Variants in HMGCS2 observed in about 807,000 individuals in gnomAD.
HMGCS2 encodes hydroxymethylglutaryl-CoA synthase, mitochondrial.
Under a neutral mutation model 57.4 loss-of-function variants are expected in HMGCS2, and 50 were observed. The ratio of observed to expected loss-of-function variants is 0.87; its 90% CI spans 0.69 to 1.10. HMGCS2 has a LOEUF of 1.10. Among genes scored for constraint, HMGCS2 ranks in the 50% least tolerant of loss-of-function variants. HMGCS2 has a pLI of 0.00. For missense variants in HMGCS2, 627 were observed against 636.5 expected, an observed-to-expected ratio of 0.99 and a Z score of 0.16; for synonymous variants, 254 against 245.1, an observed-to-expected ratio of 1.04 and a Z score of -0.34.
intron 1 of HMGCS2, among the ~76,000 whole-genome samples, chr1:119,768,068 T>C (rs1405810708): frequency 1.3e-5 from 2 of 152,186 alleles, no homozygotes; most frequent in Non-Finnish European, 2.9e-5. Flanking sequence ...CTAGTCCCAA[T>C]GTGTAGTGGA....
chr1:119,755,909 A>T (rs997155114), intron 5 of HMGCS2, among the ~76,000 whole-genome samples: 3 of 151,388 alleles, frequency 2.0e-5, no homozygotes, highest in African/African-American at 7.3e-5. Context: ...ATATATATAT[A>T]TATTTTTTTT....
chr1:119,751,045 A>G (rs1053767863), intron 8 of HMGCS2, 137 bp from the exon 9 acceptor site: 5 of 688,324 alleles, frequency 7.3e-6, no homozygotes, highest in African/African-American at 1.8e-5. Context: ...GGTCACCCTT[A>G]GTCCACCAAA....
At chr1:119,757,475 A>AG (rs1411881950) in intron 4 of HMGCS2, 37 bp from the exon 5 acceptor site, 12 of 1,613,942 alleles carry the variant, frequency 7.4e-6, no homozygotes, top group Non-Finnish European at 1.0e-5. Flanking sequence ...ATGGGGCATG[A>AG]GGGGCGAGCC....
At chr1:119,757,010 T>C (rs200181174) in intron 5 of HMGCS2, among the ~76,000 whole-genome samples, 42 of 134,070 alleles carry the variant, frequency 3.1e-4, no homozygotes, top group Non-Finnish European at 6.9e-4. Context: ...CTCTCTTTCT[T>C]TCTTTATCCT....
intron 2 of HMGCS2, among the ~76,000 whole-genome samples, chr1:119,760,250 C>T (rs373320686): frequency 1.1e-4 from 17 of 152,182 alleles, no homozygotes; most frequent in Non-Finnish European, 2.1e-4. Flanking sequence ...TGTGTTAATT[C>T]GCACTTTTGG....
At chr1:119,751,365 C>CTTTTTTTTTTT (rs747069438) in intron 8 of HMGCS2, among the ~76,000 whole-genome samples, 1 of 140,066 alleles carries the variant, frequency 7.1e-6, no homozygotes, top group African/African-American at 2.6e-5. Context: ...TTCTTTTCTT[C>CTTTTTTTTTTT]TTTTTTTTTT....
chr1:119,750,809 G>A lies in HMGCS2; in HGVS notation c.1520C>T (p.Pro507Leu). Residue 507 changes from proline to leucine, a missense_variant, in exon 9 of 10, where the codon CCC becomes CTC. By Grantham distance (98) the Pro-to-Leu change is moderately conservative. Coordinates refer to ENST00000369406, the MANE Select transcript of HMGCS2 (RefSeq NM_005518.4). The part of the protein sequence containing the change: ...EQHRRKYARR[P>L]V Reference sequence around the variant, plus strand: ...AACTCTCACTCACCACCTTTAGACGGGACGCCGGGCATACTTTCGGCGATG... The same window carrying A: ...AACTCTCACTCACCACCTTTAGACGAGACGCCGGGCATACTTTCGGCGATG... 1 of 1,611,864 alleles carries A rather than the reference G, an allele frequency of 6.2e-7. No individual in the cohort carries two copies. Among genetic ancestry groups the A allele is most frequent in the South Asian group, 1.1e-5 (1 of 91,022 alleles).
At chr1:119,761,087 A>G (rs1042484914) in intron 2 of HMGCS2, among the ~76,000 whole-genome samples, 17 of 148,826 alleles carry the variant, frequency 1.1e-4, no homozygotes, top group African/African-American at 2.2e-4. Flanking sequence ...GTGTGTGTGT[A>G]TATATATAAA....
Position 119,760,093 on chromosome 1 carries a change from T to C in HMGCS2, c.560-104A>G, listed in dbSNP as rs587660644. 8.6e-6 allele frequency: 9 copies of C among 1,049,954 alleles called. 1 individual carries two copies. Among genetic ancestry groups the C allele is most frequent in the Middle Eastern group, 2.3e-4 (1 of 4,420 alleles). The allele number at this position is 1,049,954 out of a possible 1,614,324, so 65.0% of individuals were successfully genotyped here. A position where few individuals can be genotyped will look rare whatever the true frequency, so the allele number is the denominator to read the frequency against. On this transcript the variant is annotated intron_variant, in intron 2 of 9. Transcript: ENST00000369406. Reference sequence around the variant, plus strand: ...ATTCTAGGTCCTGGATATAGAGTGATAAACAAAATAAAAAATCCCAGTCCT... The same window carrying C: ...ATTCTAGGTCCTGGATATAGAGTGACAAACAAAATAAAAAATCCCAGTCCT...
chr1:119,755,640 G>A lies in HMGCS2; in HGVS notation c.1017-43C>T, dbSNP rs372412388. 98 of 1,584,392 alleles carry A rather than the reference G, an allele frequency of 6.2e-5. 1 individual carries two copies. The highest frequency in any genetic ancestry group is 3.6e-4 in the South Asian group (33 of 90,476). On this transcript the variant is annotated intron_variant, in intron 5 of 9. Transcript: ENST00000369406. ...GTAGCCATGTGAGAGGCCAGGGGAC[G>A]GGAGGCAGGGAGCAAGGGGGAAAAG... is the stretch of plus-strand genomic sequence containing the variant.
In HMGCS2 at chr1:119,764,388, C is replaced by T; in HGVS notation, c.343G>A (p.Glu115Lys). The T allele has an allele frequency of 6.2e-7, 1 of 1,614,214 alleles. No individual in the cohort carries two copies. The highest frequency in any genetic ancestry group is 8.5e-7 in the Non-Finnish European group (1 of 1,180,040). Reference protein sequence around the residue: ...LCLTVVQRLMERIQLPWDSVG... With the variant: ...LCLTVVQRLMKRIQLPWDSVG... ...GAGTCCCATGGGAGCTGTATGCGCT[C>T]CATCAGCCGTTGCACCACCGTCAGG... Residue 115 changes from glutamate to lysine, a missense_variant, in exon 2 of 10, where the codon GAG becomes AAG. By Grantham distance (56) the Glu-to-Lys change is moderately conservative. Transcript: ENST00000369406.
chr1:119,759,851 G>A lies in HMGCS2; in HGVS notation c.685+13C>T. On this transcript the variant is annotated intron_variant, in intron 3 of 9. Transcript: ENST00000369406. Reference sequence around the variant, plus strand: ...TGCCATGCACAGCCTCTTGGTAATGGATTACTACAAACCTCGCTCCAGGGC... The same window carrying A: ...TGCCATGCACAGCCTCTTGGTAATGAATTACTACAAACCTCGCTCCAGGGC... 6.2e-7 allele frequency: 1 copy of A among 1,613,938 alleles called. No individual in the cohort carries two copies. The highest frequency in any genetic ancestry group is 8.5e-7 in the Non-Finnish European group (1 of 1,179,906).
At position 119,759,972 on chromosome 1, in the gene HMGCS2, C is replaced by T; in HGVS notation, c.577G>A (p.Val193Ile). 2 of 1,614,036 alleles carry T rather than the reference C, an allele frequency of 1.2e-6. No individual in the cohort carries two copies. Among genetic ancestry groups the T allele is most frequent in the Non-Finnish European group, 1.7e-6 (2 of 1,179,902 alleles). Residue 193 changes from valine to isoleucine, a missense_variant, in exon 3 of 10, where the codon GTC (valine) becomes ATC (isoleucine). Physicochemically the swap from Val to Ile is conservative, Grantham distance 29. Transcript: ENST00000369406. ...SSWDGRYAMV[V>I]CGDIAVYPSG... ...GGATAGACGGCAATGTCTCCACAGACCACCATGGCATAACGACCTGTAAAG... is the reference window on the plus strand; with the variant it reads ...GGATAGACGGCAATGTCTCCACAGATCACCATGGCATAACGACCTGTAAAG...
In HMGCS2 at chr1:119,750,910, T is replaced by G. The variant is rs1282514495; in HGVS notation, c.1421-2A>C. ...TGTCACCAGGTGGGGAGAAATTCACTGTGGAATGAGGAGAAGAGGCAGTAC... is the reference window on the plus strand; with the variant it reads ...TGTCACCAGGTGGGGAGAAATTCACGGTGGAATGAGGAGAAGAGGCAGTAC... On this transcript the variant is annotated splice_acceptor_variant, in intron 8 of 9. Coordinates refer to ENST00000369406, the MANE Select transcript of HMGCS2 (RefSeq NM_005518.4). LOFTEE classifies it high-confidence loss of function. 1.9e-6 allele frequency: 3 copies of G among 1,574,232 alleles called. No individual in the cohort carries two copies. Among genetic ancestry groups the G allele is most frequent in the Admixed American group, 3.3e-5 (2 of 59,964 alleles).
chr1:119,757,880 AT>A (rs1652903390), intron 4 of HMGCS2, among the ~76,000 whole-genome samples: 1 of 152,238 alleles, frequency 6.6e-6, no homozygotes, highest in Admixed American at 6.5e-5. Context: ...GAAATATTAC[AT>A]TTTAGTGCTG....
chr1:119,760,017 C>A, intron 2 of HMGCS2, 28 bp from the exon 3 acceptor site: 1 of 1,609,758 alleles, frequency 6.2e-7, no homozygotes, highest in South Asian at 1.1e-5. Flanking sequence ...AAATATTTAC[C>A]ATCATTACCA....
chr1:119,762,490 C>A (rs1653081233), intron 2 of HMGCS2, among the ~76,000 whole-genome samples: 1 of 151,812 alleles, frequency 6.6e-6, no homozygotes, highest in Admixed American at 6.6e-5. Context: ...CCCAGCCAAT[C>A]TGAGCCAGAA....
chr1:119,761,944 G>T (rs72695177), intron 2 of HMGCS2, among the ~76,000 whole-genome samples: 138 of 152,298 alleles, frequency 9.1e-4, no homozygotes, highest in Middle Eastern at 6.8e-3. Flanking sequence ...TTGTAGGAAT[G>T]TAAGTTAGTA....
intron 2 of HMGCS2, 85 bp from the exon 3 acceptor site, chr1:119,760,074 G>T: frequency 7.9e-7 from 1 of 1,265,608 alleles, no homozygotes; most frequent in Non-Finnish European, 1.1e-6. Flanking sequence ...CACAATTCTA[G>T]GTCCTGGATA....
Sources: gnomAD v4.1 joint callset for allele counts (sites outside exome capture counted in the v4.1 genomes callset) on GRCh38, gnomAD v4.1.1 for gene constraint, MANE v1.5 for transcripts, NCBI Gene and HGNC (gene_info 2026-07-23, HGNC 2026-07-21) for gene names.